XIAP: variants seen among roughly 807,000 people sequenced by gnomAD.
XIAP encodes X-linked inhibitor of apoptosis, also known as E3 ubiquitin-protein ligase XIAP.
A neutral mutation model predicts 33.1 loss-of-function variants in XIAP; 3 were observed. The observed-to-expected ratio is 0.09, with a 90% confidence interval of 0.04 to 0.23. The LOEUF (loss-of-function observed/expected upper bound fraction) is 0.23. XIAP is among the 10% of genes least tolerant of loss of function. The pLI is 1.00. For missense variants in XIAP, 264 were observed against 363.0 expected (o/e 0.73, Z 2.22); for synonymous variants, 98 against 121.3 (o/e 0.81, Z 1.26).
At chrX:123,877,866 C>T (rs1356702241) in intron 1 of XIAP, among the ~76,000 whole-genome samples, 1 of 109,443 alleles carries the variant, frequency 9.1e-6, no homozygotes, top group Non-Finnish European at 1.9e-5. Flanking sequence ...CCCAGCTACT[C>T]GGGTGACTGA....
rs761037379 is a variant in XIAP, at chrX:123,866,129, C to T, written c.-33+5836C>T. ...CTAATTTTTGTATTTTTAGTAGAGA[C>T]GGGGTTTCACCATGTTAACCAGGTT... On this transcript the variant is annotated intron_variant, in intron 1 of 6. Transcript: ENST00000371199. Among the ~76,000 whole-genome samples, 5 of 110,362 alleles carry T rather than the reference C, an allele frequency of 4.5e-5. No homozygotes were observed. The East Asian group carries it at 1.1e-3, about 25-fold the overall frequency.
intron 2 of XIAP, among the ~76,000 whole-genome samples, chrX:123,887,997 TAATAATTAATA>T (rs1355293962): frequency 1.2e-5 from 1 of 83,899 alleles, no homozygotes. Context: ...AAAAAAATAA[TAATAATTAATA>T]AATAAATAAA....
Position 123,907,678 on chromosome X carries a change from G to T in XIAP, c.*497G>T. On this transcript the variant is annotated 3_prime_UTR_variant, in exon 7 of 7. Coordinates refer to ENST00000371199, the MANE Select transcript of XIAP (RefSeq NM_001167.4). ...TTAGAGGTTGGTTGTTGTGTTTTAG[G>T]ATTCTGTCCATTTTCTTTTAAAGTT... 1 of 375,809 alleles carries T rather than the reference G, an allele frequency of 2.7e-6. No homozygotes were observed. 31.0% of individuals were successfully genotyped at this position (375,809 alleles called of 1,213,427 possible).
chrX:123,898,916 C>A (rs1290784634), intron 5 of XIAP, among the ~76,000 whole-genome samples: 1 of 103,374 alleles, frequency 9.7e-6, no homozygotes, highest in Non-Finnish European at 2.0e-5. Context: ...GTCAGGAGTT[C>A]GAGAGCAGCC....
chrX:123,884,457 T>TG (rs1233711881), intron 1 of XIAP, among the ~76,000 whole-genome samples: 1 of 100,583 alleles, frequency 9.9e-6, no homozygotes. Flanking sequence ...CACTCCAGCC[T>TG]GGGCAGCAAG....
At chrX:123,896,470 C>CT (rs760572442) in intron 5 of XIAP, among the ~76,000 whole-genome samples, 204 of 109,297 alleles carry the variant, frequency 1.9e-3, no homozygotes, top group African/African-American at 5.9e-3. Flanking sequence ...TATTACAGTT[C>CT]TTTTTTTTGG....
intron 1 of XIAP, among the ~76,000 whole-genome samples, chrX:123,863,805 G>A (rs2053103162): frequency 9.0e-6 from 1 of 111,312 alleles, no homozygotes; most frequent in Admixed American, 9.6e-5. Flanking sequence ...CAGCTGTCTC[G>A]TTTTTAGAAA....
chrX:123,899,221 TTG>T (rs766979158), intron 5 of XIAP, among the ~76,000 whole-genome samples: 3 of 44,474 alleles, frequency 6.7e-5, no homozygotes, highest in African/African-American at 2.8e-4. Flanking sequence ...ATATATGATT[TTG>T]TATATATATA....
intron 1 of XIAP, among the ~76,000 whole-genome samples, chrX:123,861,079 TTA>T (rs900891240): frequency 1.8e-5 from 2 of 111,779 alleles, no homozygotes; most frequent in African/African-American, 6.5e-5. Flanking sequence ...ATAATATTTA[TTA>T]TAGTCAATGA....
Position 123,912,219 on chromosome X carries a change from A to G in XIAP, c.*5038A>G, listed in dbSNP as rs1343268154. 3.1e-5 allele frequency: 9 copies of G among 293,776 alleles called. No individual in the cohort carries two copies. The East Asian group carries it at 9.6e-4, about 31-fold the overall frequency. The allele number at this position is 293,776 out of a possible 1,213,427, so 24.2% of individuals were successfully genotyped here. A position where few individuals can be genotyped will look rare whatever the true frequency, so the allele number is the denominator to read the frequency against. ...AAGGAGGAATTGAAAACACTGAGAA[A>G]AAAAAAAAAGACCACACAATAAAAA... On this transcript the variant is annotated 3_prime_UTR_variant, in exon 7 of 7. Transcript: ENST00000371199.
In XIAP at chrX:123,908,864, G is replaced by A. The variant is rs2053574618; in HGVS notation, c.*1683G>A. 1 of 348,564 alleles carries A rather than the reference G, an allele frequency of 2.9e-6. No individual in the cohort carries two copies. The highest frequency in any genetic ancestry group is 2.6e-5 in the African/African-American group (1 of 38,464). The allele number at this position is 348,564 out of a possible 1,213,427, so 28.7% of individuals were successfully genotyped here. On this transcript the variant is annotated 3_prime_UTR_variant, in exon 7 of 7. Transcript: ENST00000371199. Reference sequence around the variant, plus strand: ...AGATTCTCACAACAAACCTATTGTAGAGGTGAGTAAGGCATGTTACTACAG... The same window carrying A: ...AGATTCTCACAACAAACCTATTGTAAAGGTGAGTAAGGCATGTTACTACAG...
Position 123,885,584 on chromosome X carries a change from C to T in XIAP, c.-32-47C>T, listed in dbSNP as rs779845876. ...TAGCTCCTATAACAAAAGTCTGTTG[C>T]TTGTGTTTCACATTTTGGATTTCCT... On this transcript the variant is annotated intron_variant, in intron 1 of 6. Coordinates refer to ENST00000371199, the MANE Select transcript of XIAP (RefSeq NM_001167.4). The T allele has an allele frequency of 4.6e-6, 5 of 1,085,851 alleles. No individual in the cohort carries two copies. The African/African-American group carries it at 9.2e-5, about 20-fold the overall frequency. 89.5% of individuals were successfully genotyped at this position (1,085,851 alleles called of 1,213,427 possible). A position where few individuals can be genotyped will look rare whatever the true frequency, so the allele number is the denominator to read the frequency against.
intron 1 of XIAP, among the ~76,000 whole-genome samples, chrX:123,880,630 G>A (rs2053292447): frequency 1.9e-5 from 2 of 105,991 alleles, no homozygotes; most frequent in Non-Finnish European, 3.9e-5. Context: ...CCAGCTACTT[G>A]GGAGGCTGAG....
At chrX:123,879,635 A>G (rs2053279594) in intron 1 of XIAP, among the ~76,000 whole-genome samples, 1 of 109,947 alleles carries the variant, frequency 9.1e-6, no homozygotes, top group South Asian at 3.9e-4. Flanking sequence ...GTTTTAAGTG[A>G]CAATATTATT....
At chrX:123,880,457 C>T (rs2053290159) in intron 1 of XIAP, among the ~76,000 whole-genome samples, 1 of 106,119 alleles carries the variant, frequency 9.4e-6, no homozygotes, top group African/African-American at 3.5e-5. Flanking sequence ...AAAAAAGCAG[C>T]CTGGCACAGT....
At chrX:123,889,883 C>G (rs771640873) in intron 3 of XIAP, among the ~76,000 whole-genome samples, 2 of 109,156 alleles carry the variant, frequency 1.8e-5, no homozygotes, top group South Asian at 7.9e-4. Flanking sequence ...TGGAAGTAGG[C>G]TCTTTTATGA....
At chrX:123,872,811 A>C (rs954257028) in intron 1 of XIAP, 1 of 111,418 alleles carries the variant, frequency 9.0e-6, no homozygotes, top group African/African-American at 3.3e-5. Flanking sequence ...GCCAACCACC[A>C]TGGACATGAT....
upstream of XIAP, chrX:123,859,804 C>G (rs1209111274): frequency 2.5e-5 from 6 of 235,704 alleles, no homozygotes; most frequent in East Asian, 7.2e-4. Flanking sequence ...TTGCAAGGGC[C>G]TCATTTTTTC....
chrX:123,883,342 C>A (rs2053321425), intron 1 of XIAP, among the ~76,000 whole-genome samples: 2 of 111,110 alleles, frequency 1.8e-5, no homozygotes, highest in South Asian at 7.5e-4. Flanking sequence ...CCTTGGCCTC[C>A]CAAAGTGCTG....
Sources: gnomAD v4.1 joint callset for allele counts (sites outside exome capture counted in the v4.1 genomes callset) on GRCh38, gnomAD v4.1.1 for gene constraint, MANE v1.5 for transcripts, NCBI Gene and HGNC (gene_info 2026-07-23, HGNC 2026-07-21) for gene names.